Variants in API5 observed in about 807,000 individuals in gnomAD.
The protein encoded by API5 is apoptosis inhibitor 5.
A neutral mutation model predicts 71.9 loss-of-function variants in API5; 6 were observed. That is an observed-to-expected ratio of 0.08 (90% confidence interval 0.05 to 0.16). The LOEUF (loss-of-function observed/expected upper bound fraction) is 0.16. Among genes scored for constraint, API5 ranks in the 10% least tolerant of loss-of-function variants. The probability of loss-of-function intolerance (pLI) is 1.00; values close to 1 mark genes in which losing one functional copy is unlikely to be tolerated. For missense variants in API5, 332 were observed against 612.8 expected, an observed-to-expected ratio of 0.54 and a Z score of 4.84; for synonymous variants, 189 against 221.3, an observed-to-expected ratio of 0.85 and a Z score of 1.30.
intron 10 of API5, 113 bp from the exon 11 acceptor site, chr11:43,330,395 A>G: frequency 2.4e-6 from 2 of 819,950 alleles, no homozygotes; most frequent in Non-Finnish European, 4.1e-6. Context: ...AATTCTGTAA[A>G]GACTGTAGAG....
intron 2 of API5, among the ~76,000 whole-genome samples, chr11:43,319,693 G>A (rs143661518): frequency 8.5e-5 from 13 of 152,230 alleles, no homozygotes; most frequent in Admixed American, 2.6e-4. Flanking sequence ...GATTACAGGC[G>A]TGAGCCACCT....
rs1339662097 is a variant in API5, at chr11:43,335,969, C to T, written c.1467C>T (p.Ser489=). The T allele has an allele frequency of 2.5e-6, 4 of 1,613,942 alleles. No homozygotes were observed. Among genetic ancestry groups the T allele is most frequent in the East Asian group, 4.5e-5 (2 of 44,876 alleles). The change falls in exon 13 of 14, where the codon AGC becomes AGT. Residue 489 remains serine, a synonymous_variant. Transcript: ENST00000531273. ...ATAACCCTCCCAGTGGGAAATATAGCAGCAATTTGGGCAACTTTAATTATG... is the reference window on the plus strand; with the variant it reads ...ATAACCCTCCCAGTGGGAAATATAGTAGCAATTTGGGCAACTTTAATTATG... ...QIYNPPSGKY[S]SNLGNFNYEQ... is the part of the protein sequence containing the mutation.
chr11:43,323,358 A>AT, intron 5 of API5, 72 bp from the exon 6 acceptor site: 1 of 1,315,348 alleles, frequency 7.6e-7, no homozygotes, highest in Non-Finnish European at 1.1e-6. Context: ...TAAATTAGCT[A>AT]TTCTCTTTCA....
At chr11:43,341,259 T>A (rs866766369) in intron 13 of API5, among the ~76,000 whole-genome samples, 3 of 152,124 alleles carry the variant, frequency 2.0e-5, no homozygotes, top group Admixed American at 6.6e-5. Flanking sequence ...CATTTACATA[T>A]GATTAAAAGT....
intron 1 of API5, among the ~76,000 whole-genome samples, chr11:43,313,504 T>C (rs1332932865): frequency 6.6e-6 from 1 of 152,210 alleles, no homozygotes; most frequent in African/African-American, 2.4e-5. Flanking sequence ...TGGAAGATTC[T>C]AGTCTATTAA....
intron 11 of API5, among the ~76,000 whole-genome samples, chr11:43,333,026 A>G (rs914860015): frequency 2.0e-5 from 3 of 152,234 alleles, no homozygotes; most frequent in African/African-American, 7.2e-5. Flanking sequence ...AACAGTAACA[A>G]AGGGCCAAAT....
At chr11:43,340,975 A>G (rs928861811) in intron 13 of API5, among the ~76,000 whole-genome samples, 2 of 152,220 alleles carry the variant, frequency 1.3e-5, no homozygotes, top group East Asian at 1.9e-4. Context: ...GAAACCATCA[A>G]CAGTGAAAAG....
rs548287578 is a variant in API5, at chr11:43,320,128, C to T, written c.232-693C>T. Among the ~76,000 whole-genome samples, 15 of 150,700 alleles carry T rather than the reference C, an allele frequency of 1.0e-4. No homozygotes were observed. In the South Asian group the frequency reaches 2.9e-3, roughly 30 times the overall value. On this transcript the variant is annotated intron_variant, in intron 2 of 13. Coordinates refer to ENST00000531273, the MANE Select transcript of API5 (RefSeq NM_001142930.2). The stretch of plus-strand genomic sequence containing the variant: ...TGGTGCAATCTTGGCTCACTGCAAC[C>T]TCCGCCTCCCTGGTTCAAGCGATTC...
At chr11:43,315,625 A>G (rs1590347436) in intron 1 of API5, among the ~76,000 whole-genome samples, 1 of 152,216 alleles carries the variant, frequency 6.6e-6, no homozygotes, top group African/African-American at 2.4e-5. Context: ...ACTGCAGATG[A>G]CAAATTCTAA....
intron 1 of API5, among the ~76,000 whole-genome samples, chr11:43,312,638 T>C (rs576097127): frequency 7.9e-5 from 12 of 152,186 alleles, no homozygotes; most frequent in African/African-American, 2.9e-4. Flanking sequence ...AAGAAGAGTG[T>C]TTAGGAGACA....
At chr11:43,329,856 G>C in intron 9 of API5, 109 bp from the exon 10 acceptor site, 2 of 809,176 alleles carry the variant, frequency 2.5e-6, no homozygotes, top group Non-Finnish European at 4.0e-6. Flanking sequence ...TAATTTACTG[G>C]TCATGTAACC....
chr11:43,313,745 T>C, intron 1 of API5, among the ~76,000 whole-genome samples: 1 of 152,118 alleles, frequency 6.6e-6, no homozygotes, highest in East Asian at 1.9e-4. Flanking sequence ...GCTGTACATG[T>C]GGATAGAGTG....
intron 1 of API5, among the ~76,000 whole-genome samples, chr11:43,315,744 A>G (rs1031842712): frequency 1.3e-5 from 2 of 151,384 alleles, no homozygotes; most frequent in African/African-American, 2.4e-5. Flanking sequence ...TGCCTCTGCT[A>G]CTCCTTCAGG....
chr11:43,340,276 TGAA>T (rs1855569155), intron 13 of API5: 2 of 308,278 alleles, frequency 6.5e-6, no homozygotes, highest in Non-Finnish European at 1.2e-5. Context: ...TGAAAGAAAT[TGAA>T]GGAGATACAA....
In API5 at chr11:43,337,160, CA is replaced by C. The variant is rs573443802; in HGVS notation, c.1492+1169del. Among the ~76,000 whole-genome samples the C allele has an allele frequency of 5.4e-3, 825 of 151,728 alleles. 3 individuals are homozygous for C. Among genetic ancestry groups the C allele is most frequent in the Non-Finnish European group, 0.01 (683 of 67,918 alleles). ...GGAACAAAGCGAGACCCCATTTCTA[CA>C]AAGAAAATTTAAAAATTAGTTGGGT... is the stretch of plus-strand genomic sequence containing the variant. On this transcript the variant is annotated intron_variant, in intron 13 of 13. Coordinates refer to ENST00000531273, the MANE Select transcript of API5 (RefSeq NM_001142930.2).
chr11:43,337,007 C>CAAAAAAAAAAAAAAAAAAAAAAAAAA (rs559170436), intron 13 of API5, among the ~76,000 whole-genome samples: 1 of 66,832 alleles, frequency 1.5e-5, no homozygotes. Flanking sequence ...GACTCCGTCT[C>CAAAAAAAAAAAAAAAAAAAAAAAAAA]AAAAAAAAAA....
At chr11:43,337,923 AAT>A (rs1185346145) in intron 13 of API5, among the ~76,000 whole-genome samples, 1 of 152,230 alleles carries the variant, frequency 6.6e-6, no homozygotes, top group East Asian at 1.9e-4. Flanking sequence ...GTGGAAAAAG[AAT>A]GTGAAAAATC....
chr11:43,342,790 A>T lies in API5; in HGVS notation c.*280A>T, dbSNP rs981511969. The T allele has an allele frequency of 3.6e-5, 22 of 604,898 alleles. No homozygotes were observed. In the Admixed American group the frequency reaches 3.7e-4, roughly 10 times the overall value. 37.5% of individuals were successfully genotyped at this position (604,898 alleles called of 1,614,324 possible). A position where few individuals can be genotyped will look rare whatever the true frequency, so the allele number is the denominator to read the frequency against. The stretch of plus-strand genomic sequence containing the variant: ...AATTGTGAATCTTTTAAACATCTTG[A>T]TAATTTGTTGTTGAGAGCTGTTCAT... On this transcript the variant is annotated 3_prime_UTR_variant, in exon 14 of 14. Coordinates refer to ENST00000531273, the MANE Select transcript of API5 (RefSeq NM_001142930.2).
intron 13 of API5, among the ~76,000 whole-genome samples, chr11:43,339,925 A>C (rs1040076894): frequency 1.3e-5 from 2 of 152,168 alleles, no homozygotes; most frequent in South Asian, 4.1e-4. Context: ...AGAAGTTGTC[A>C]TGAAAGTCAT....
Sources: gnomAD v4.1 joint callset for allele counts (sites outside exome capture counted in the v4.1 genomes callset) on GRCh38, gnomAD v4.1.1 for gene constraint, MANE v1.5 for transcripts, NCBI Gene and HGNC (gene_info 2026-07-23, HGNC 2026-07-21) for gene names.